The following ZNF578 variants were observed in gnomAD, a reference collection of about 807,000 sequenced individuals.
ZNF578 encodes the protein zinc finger protein 578, also known as Putative chemokine-related protein B42.
ZNF578 carries 8 observed loss-of-function variants against 8.3 expected under a neutral mutation model. That is an observed-to-expected ratio of 0.96 (90% CI 0.56 to 1.74). ZNF578 has a LOEUF of 1.74. Ranked by LOEUF, ZNF578 falls within the 40% of genes most tolerant of loss-of-function variation. The pLI is 0.00. For missense variants in ZNF578, 726 were observed against 707.5 expected, an observed-to-expected ratio of 1.03 and a Z score of -0.30; for synonymous variants, 206 against 232.2, an observed-to-expected ratio of 0.89 and a Z score of 1.03.
intron 2 of ZNF578, among the ~76,000 whole-genome samples, chr19:52,462,287 G>C (rs796160897): frequency 6.6e-6 from 1 of 152,148 alleles, no homozygotes; most frequent in Non-Finnish European, 1.5e-5. Context: ...AGCCAATGTT[G>C]TTGATAGCCT....
chr19:52,515,964 C>G lies in ZNF578; in HGVS notation c.*3810C>G, dbSNP rs1031601663. Among the ~76,000 whole-genome samples the G allele has an allele frequency of 6.6e-6, 1 of 152,118 alleles. No individual in the cohort carries two copies. The highest frequency in any genetic ancestry group is 2.4e-5 in the African/African-American group (1 of 41,410). On this transcript the variant is annotated 3_prime_UTR_variant, in exon 6 of 6. Coordinates refer to ENST00000421239, the MANE Select transcript of ZNF578 (RefSeq NM_001099694.2). ...CTTCCCGTGTTCCCCAGGACAAAAG[C>G]CCAACCCCTCACTGTGGCTCCACAG...
chr19:52,465,863 G>A (rs2059273450), intron 2 of ZNF578, among the ~76,000 whole-genome samples: 1 of 152,196 alleles, frequency 6.6e-6, no homozygotes, highest in Non-Finnish European at 1.5e-5. Context: ...TCGGCCCTCC[G>A]TTTCACACGC....
In ZNF578 at chr19:52,516,222, T is replaced by A. The variant is rs910203951; in HGVS notation, c.*4068T>A. On this transcript the variant is annotated 3_prime_UTR_variant, in exon 6 of 6. Coordinates refer to ENST00000421239, the MANE Select transcript of ZNF578 (RefSeq NM_001099694.2). ...CCTCCCACCCCTGGTCTCAAGCTCC[T>A]GAGCTCAAGTGATCTACCCACCTCG... Among the ~76,000 whole-genome samples, 7 of 149,902 alleles carry A rather than the reference T, an allele frequency of 4.7e-5. No individual in the cohort carries two copies. The highest frequency in any genetic ancestry group is 7.4e-5 in the Non-Finnish European group (5 of 67,494).
intron 2 of ZNF578, among the ~76,000 whole-genome samples, chr19:52,462,593 G>A (rs559292786): frequency 6.6e-6 from 1 of 152,310 alleles, no homozygotes; most frequent in African/African-American, 2.4e-5. Flanking sequence ...GGTTACTCGA[G>A]TTTAGTGGTT....
intron 2 of ZNF578, among the ~76,000 whole-genome samples, chr19:52,467,835 G>C (rs1271658619): frequency 6.6e-6 from 1 of 151,656 alleles, no homozygotes; most frequent in East Asian, 1.9e-4. Context: ...ATGTAGAAAG[G>C]CAAAAAAAGA....
At chr19:52,478,959 C>T (rs1391473492) in intron 2 of ZNF578, among the ~76,000 whole-genome samples, 2 of 151,726 alleles carry the variant, frequency 1.3e-5, no homozygotes, top group Non-Finnish European at 2.9e-5. Flanking sequence ...GGTGATCTGC[C>T]CGCCTCAGCC....
intron 2 of ZNF578, chr19:52,474,936 G>T: frequency 5.3e-6 from 1 of 189,506 alleles, no homozygotes; most frequent in South Asian, 1.1e-4. Flanking sequence ...TGTAAGGTGT[G>T]AATTGCGACT....
At chr19:52,483,134 G>A (rs2059332851) in intron 2 of ZNF578, among the ~76,000 whole-genome samples, 2 of 151,948 alleles carry the variant, frequency 1.3e-5, no homozygotes, top group South Asian at 4.1e-4. Flanking sequence ...CAGTAGTCCT[G>A]GCCGTGCGCG....
chr19:52,457,558 G>C (rs1209975942), intron 2 of ZNF578: 1 of 152,038 alleles, frequency 6.6e-6, no homozygotes, highest in East Asian at 1.9e-4. Context: ...ACTTGCGACT[G>C]GTGTGTATGG....
chr19:52,508,893 ATTTTTT>A (rs869062581), intron 5 of ZNF578, among the ~76,000 whole-genome samples: 15 of 82,102 alleles, frequency 1.8e-4, no homozygotes, highest in African/African-American at 4.9e-4. Flanking sequence ...CTATTAGTCA[ATTTTTT>A]TTTTTTTTTT....
At chr19:52,478,716 T>A (rs1380140176) in intron 2 of ZNF578, among the ~76,000 whole-genome samples, 1 of 151,690 alleles carries the variant, frequency 6.6e-6, no homozygotes, top group Non-Finnish European at 1.5e-5. Context: ...TTTATTTTAT[T>A]TTTTATTTAT....
chr19:52,505,879 C>G (rs2122964321), intron 5 of ZNF578, among the ~76,000 whole-genome samples: 1 of 151,816 alleles, frequency 6.6e-6, no homozygotes, highest in South Asian at 2.1e-4. Context: ...GACACAGTGG[C>G]TTTCAACTTG....
chr19:52,454,031 A>AC (rs1309272143), intron 1 of ZNF578: 4 of 150,520 alleles, frequency 2.7e-5, no homozygotes, highest in Admixed American at 6.6e-5. Flanking sequence ...CTCCTAATCC[A>AC]CCCCCAACCT....
rs1388541717 is a variant in ZNF578 at position 52,513,472 on chromosome 19, G to A, written c.*1318G>A. Among the ~76,000 whole-genome samples the A allele has an allele frequency of 1.3e-5, 2 of 150,114 alleles. No homozygotes were observed. The highest frequency in any genetic ancestry group is 4.9e-5 in the African/African-American group (2 of 40,852). On this transcript the variant is annotated 3_prime_UTR_variant, in exon 6 of 6. Transcript: ENST00000421239. ...CAGGCTGGGTGTGGCAGCTCACGCC[G>A]GTAATCCCAGCACTTTGGGAGGCCA...
rs1555751274 is a variant in ZNF578, at chr19:52,459,648, C to CACACAT, written c.-122+2693_-122+2694insCATACA. ...ACACACACACACACACACACACACACACATATATATACTACCATATGATCC... is the reference window on the plus strand; with the variant it reads ...ACACACACACACACACACACACACACACACATACATATATATACTACCATATGATCC... On this transcript the variant is annotated intron_variant, in intron 2 of 5. Transcript: ENST00000421239. Among the ~76,000 whole-genome samples, 1,073 of 131,424 alleles carry CACACAT rather than the reference C, an allele frequency of 8.2e-3. 14 individuals are homozygous for CACACAT. The highest frequency in any genetic ancestry group is 0.018 in the African/African-American group (628 of 34,090). The allele number at this position is 131,424 out of a possible 152,430, so 86.2% of individuals were successfully genotyped here. A position where few individuals can be genotyped will look rare whatever the true frequency, so the allele number is the denominator to read the frequency against.
intron 2 of ZNF578, among the ~76,000 whole-genome samples, chr19:52,477,140 GC>G (rs889315877): frequency 2.0e-5 from 3 of 152,146 alleles, no homozygotes; most frequent in African/African-American, 7.2e-5. Flanking sequence ...GATGGCTCTT[GC>G]CCAAAATTAG....
At chr19:52,497,086 C>T (rs763242377) in intron 3 of ZNF578, among the ~76,000 whole-genome samples, 1 of 151,752 alleles carries the variant, frequency 6.6e-6, no homozygotes, top group African/African-American at 2.4e-5. Flanking sequence ...GCACGCCCCA[C>T]GAGGCCTGGC....
chr19:52,462,516 T>G (rs1034373507), intron 2 of ZNF578, among the ~76,000 whole-genome samples: 1 of 152,156 alleles, frequency 6.6e-6, no homozygotes, highest in East Asian at 1.9e-4. Flanking sequence ...ATAGGTATAA[T>G]TTTGGTCTGC....
intron 3 of ZNF578, among the ~76,000 whole-genome samples, chr19:52,498,281 C>T (rs1401252925): frequency 3.3e-5 from 5 of 151,144 alleles, no homozygotes; most frequent in South Asian, 4.2e-4. Context: ...CTCAGCCTCC[C>T]GAGTAGCAGA....
Sources: allele counts gnomAD v4.1 joint callset (sites outside exome capture counted in the v4.1 genomes callset), GRCh38; gene constraint gnomAD v4.1.1; transcripts MANE v1.5; gene names NCBI Gene and HGNC (gene_info 2026-07-23, HGNC 2026-07-21).